Variants in STOX2 observed in about 807,000 individuals in gnomAD.
The protein encoded by STOX2 is storkhead-box protein 2.
In STOX2, 28 loss-of-function variants were observed where a neutral mutation model predicts 60.9. That is an observed-to-expected ratio of 0.46 (90% CI 0.34 to 0.63). The LOEUF (loss-of-function observed/expected upper bound fraction) is 0.63, where lower values mean the gene tolerates loss of function less well. STOX2 is among the 30% of genes least tolerant of loss of function. The pLI, the probability that STOX2 is intolerant of heterozygous loss-of-function variation, is 0.01. For missense variants in STOX2, 1,024 were observed against 1,187.7 expected (o/e 0.86, Z 2.03); for synonymous variants, 472 against 463.9 (o/e 1.02, Z -0.22).
chr4:183,929,955 C>T (rs1407673148), intron 1 of STOX2, among the ~76,000 whole-genome samples: 1 of 151,122 alleles, frequency 6.6e-6, no homozygotes, highest in Non-Finnish European at 1.5e-5. Context: ...GCTCCGCCTC[C>T]CGGGTTCACG....
intron 1 of STOX2, among the ~76,000 whole-genome samples, chr4:183,934,618 T>C (rs1234167118): frequency 6.6e-6 from 1 of 152,206 alleles, no homozygotes; most frequent in African/African-American, 2.4e-5. Context: ...AACAATTCCT[T>C]GATTTAGAGC....
chr4:183,892,424 G>A (rs1270710933), intron 1 of STOX2, among the ~76,000 whole-genome samples: 6 of 151,948 alleles, frequency 3.9e-5, no homozygotes, highest in Non-Finnish European at 7.4e-5. Flanking sequence ...GACTATGGGC[G>A]CCCGCCACCA....
intron 1 of STOX2, among the ~76,000 whole-genome samples, chr4:183,807,199 C>A (rs546630437): frequency 6.6e-6 from 1 of 152,186 alleles, no homozygotes; most frequent in African/African-American, 2.4e-5. Context: ...GTCTCGATCT[C>A]CTGACCTCGT....
chr4:183,922,200 C>A (rs1302274721), intron 1 of STOX2, among the ~76,000 whole-genome samples: 2 of 151,976 alleles, frequency 1.3e-5, no homozygotes, highest in Non-Finnish European at 2.9e-5. Flanking sequence ...TTCGCTGTTC[C>A]CTGGTGCTTT....
At chr4:183,927,820 C>G (rs565852167) in intron 1 of STOX2, among the ~76,000 whole-genome samples, 1 of 152,270 alleles carries the variant, frequency 6.6e-6, no homozygotes. Flanking sequence ...TGTCAGTCTG[C>G]TCTCTCTTCT....
At chr4:183,917,098 G>A (rs892296108) in intron 1 of STOX2, among the ~76,000 whole-genome samples, 3 of 152,230 alleles carry the variant, frequency 2.0e-5, no homozygotes, top group African/African-American at 4.8e-5. Flanking sequence ...GCGAGTGCCA[G>A]ATGTGTAGCA....
At chr4:183,942,282 G>A (rs1742772770) in intron 1 of STOX2, among the ~76,000 whole-genome samples, 1 of 145,446 alleles carries the variant, frequency 6.9e-6, no homozygotes, top group East Asian at 2.1e-4. Flanking sequence ...TTACAAATTT[G>A]TAAATTATCT....
rs1225540196 is a variant in STOX2, at chr4:184,020,360, G to C, written c.*3076G>C. 7 of 152,014 alleles carry C rather than the reference G, an allele frequency of 4.6e-5. No individual in the cohort carries two copies. Among genetic ancestry groups the C allele is most frequent in the Non-Finnish European group, 8.8e-5 (6 of 68,002 alleles). The allele number at this position is 152,014 out of a possible 1,614,324, so 9.4% of individuals were successfully genotyped here. A position where few individuals can be genotyped will look rare whatever the true frequency, so the allele number is the denominator to read the frequency against. On this transcript the variant is annotated 3_prime_UTR_variant, in exon 4 of 4. Transcript: ENST00000308497. ...AATGAACGGAAGTTTAAAAATTCTT[G>C]TGCCCACCCCCGCCCTCCACCCATT...
At chr4:183,859,581 G>A (rs938168755) in intron 1 of STOX2, among the ~76,000 whole-genome samples, 2 of 152,250 alleles carry the variant, frequency 1.3e-5, no homozygotes, top group African/African-American at 4.8e-5. Flanking sequence ...GCCAGGGTAT[G>A]AACAGGCTTA....
chr4:183,845,584 C>T (rs533066747), intron 1 of STOX2, among the ~76,000 whole-genome samples: 2 of 152,206 alleles, frequency 1.3e-5, no homozygotes, highest in East Asian at 1.9e-4. Context: ...GAGTTGCAAA[C>T]TCACATACCT....
intron 1 of STOX2, among the ~76,000 whole-genome samples, chr4:183,912,667 G>A (rs1741814714): frequency 2.0e-5 from 3 of 152,206 alleles, no homozygotes; most frequent in Middle Eastern, 3.4e-3. Context: ...GCCACATCAC[G>A]AGTTTACAAC....
In STOX2 at chr4:183,807,129, C is replaced by A. The variant is rs151218648; in HGVS notation, c.364+9074C>A. Among the ~76,000 whole-genome samples, 28 of 152,196 alleles carry A rather than the reference C, an allele frequency of 1.8e-4. No individual in the cohort carries two copies. The East Asian group carries it at 5.2e-3, about 28-fold the overall frequency. ...CTGGGACTGCAGGCGACCACCACCACGCCCAGCTAATTTTTAGTATTTTTA... is the reference window on the plus strand; with the variant it reads ...CTGGGACTGCAGGCGACCACCACCAAGCCCAGCTAATTTTTAGTATTTTTA... On this transcript the variant is annotated intron_variant, in intron 1 of 2. Transcript: ENST00000513034.
intron 1 of STOX2, among the ~76,000 whole-genome samples, chr4:183,989,985 C>T (rs1237150254): frequency 6.6e-6 from 1 of 152,182 alleles, no homozygotes; most frequent in East Asian, 1.9e-4. Context: ...ACCCCTTGAA[C>T]ATCTTCTTTC....
chr4:183,955,863 A>G (rs944592448), intron 1 of STOX2, among the ~76,000 whole-genome samples: 3 of 152,208 alleles, frequency 2.0e-5, no homozygotes, highest in Middle Eastern at 3.4e-3. Flanking sequence ...GCCTGCCTGC[A>G]GAGCGATCTG....
At position 184,018,470 on chromosome 4, in the gene STOX2, G is replaced by A. The variant is rs1386562620; in HGVS notation, c.*1186G>A. The A allele has an allele frequency of 6.9e-6, 1 of 143,896 alleles. No individual in the cohort carries two copies. The highest frequency in any genetic ancestry group is 1.6e-5 in the Non-Finnish European group (1 of 63,688). The allele number at this position is 143,896 out of a possible 1,614,324, so 8.9% of individuals were successfully genotyped here. ...TGATTAGAAATATACATGTGCCCAT[G>A]TAATAAACAACAGAATGTGCTCATT... On this transcript the variant is annotated 3_prime_UTR_variant, in exon 4 of 4. Transcript: ENST00000308497.
intron 1 of STOX2, among the ~76,000 whole-genome samples, chr4:183,869,586 T>C (rs1740643203): frequency 6.6e-6 from 1 of 152,210 alleles, no homozygotes. Flanking sequence ...TAGACCCAAC[T>C]CTCAGAATAC....
At chr4:183,816,139 G>C (rs941593834) in intron 1 of STOX2, among the ~76,000 whole-genome samples, 6 of 152,342 alleles carry the variant, frequency 3.9e-5, no homozygotes, top group Non-Finnish European at 8.8e-5. Flanking sequence ...GGACATGAAT[G>C]TATATTGTGA....
At position 184,010,223 on chromosome 4, in the gene STOX2, G is replaced by A. The variant is rs1361550578; in HGVS notation, c.1385G>A (p.Ser462Asn). 1.3e-6 allele frequency: 2 copies of A among 1,555,928 alleles called. No homozygotes were observed. Among genetic ancestry groups the A allele is most frequent in the Non-Finnish European group, 1.7e-6 (2 of 1,149,630 alleles). ...EMPFPEPSRGSSHSKVHRSHS... is the reference protein window; with the variant it reads ...EMPFPEPSRGNSHSKVHRSHS... ...CCTTTTCCTGAACCTTCTAGGGGAA[G>A]CTCCCACTCAAAAGTGCACCGAAGC... The change falls in exon 3 of 4, where the codon AGC (serine) becomes AAC (asparagine). Residue 462 changes from serine to asparagine, a missense_variant. Physicochemically the swap from Ser to Asn is conservative, Grantham distance 46. Transcript: ENST00000308497. The surrounding 1 kb of genome is among the most constrained non-coding windows in gnomAD (Gnocchi z 4.5).
At chr4:183,873,045 C>T (rs764194221) in intron 1 of STOX2, among the ~76,000 whole-genome samples, 102 of 152,096 alleles carry the variant, frequency 6.7e-4, no homozygotes, top group Non-Finnish European at 1.2e-3. Context: ...TGGAAGCTGG[C>T]TCTTTATTTT....
Sources: allele counts gnomAD v4.1 joint callset (sites outside exome capture counted in the v4.1 genomes callset), GRCh38; gene constraint gnomAD v4.1.1; non-coding constraint Gnocchi (gnomAD v3.1); transcripts MANE v1.5; gene names NCBI Gene and HGNC (gene_info 2026-07-23, HGNC 2026-07-21).